TANC1: variants seen among roughly 807,000 people sequenced by gnomAD.
TANC1 encodes the protein tetratricopeptide repeat, ankyrin repeat and coiled-coil containing 1, also known as protein TANC1.
A neutral mutation model predicts 149.7 loss-of-function variants in TANC1; 77 were observed. The ratio of observed to expected loss-of-function variants is 0.51; its 90% confidence interval spans 0.43 to 0.62. The LOEUF is 0.62. Among genes scored for constraint, TANC1 ranks in the 20% least tolerant of loss-of-function variants. The pLI is 0.00. For missense variants in TANC1, 1,985 were observed against 2,321.8 expected, an observed-to-expected ratio of 0.85 and a Z score of 2.98; for synonymous variants, 854 against 925.0, an observed-to-expected ratio of 0.92 and a Z score of 1.39.
chr2:159,175,179 G>C lies in TANC1; in HGVS notation c.1730G>C (p.Arg577Thr). ...GTGCTGGAGCCACTCACAAACCTGA[G>C]AAATGGTACTTCGCAGCAGCTACCC... ...RGVLEPLTNL[R>T]NEQKIPEEEY... Residue 577 changes from arginine (R) to threonine (T), a missense_variant, in exon 12 of 27, where the codon AGA (arginine) becomes ACA (threonine). Physicochemically the swap from Arg to Thr is moderately conservative, Grantham distance 71. Around this residue, in one of 3 missense-constraint regions of TANC1, gnomAD observed 508 missense variants for 714.2 expected, o/e 0.71. Transcript: ENST00000263635. The C allele has an allele frequency of 1.2e-6, 2 of 1,613,408 alleles. No homozygotes were observed. Among genetic ancestry groups the C allele is most frequent in the Non-Finnish European group, 1.7e-6 (2 of 1,179,358 alleles).
intron 7 of TANC1, among the ~76,000 whole-genome samples, chr2:159,154,125 G>C (rs963471490): frequency 6.6e-6 from 1 of 152,174 alleles, no homozygotes; most frequent in African/African-American, 2.4e-5. Flanking sequence ...GGGGTGGACT[G>C]TTACAAAGTG....
At chr2:159,003,876 C>T in intron 2 of TANC1, 1 of 1,612,610 alleles carries the variant, frequency 6.2e-7, no homozygotes, top group Non-Finnish European at 8.5e-7. Flanking sequence ...AAACTTCAGG[C>T]TCAGGTCCAG....
At chr2:159,175,352 A>C (rs540713642) in intron 12 of TANC1, among the ~76,000 whole-genome samples, 168 bp downstream of exon 12, 15 of 152,238 alleles carry the variant, frequency 9.9e-5, no homozygotes, top group African/African-American at 3.6e-4. Flanking sequence ...AACCAGCCCC[A>C]TGAGGTCGCT....
chr2:159,108,865 T>C (rs906361938), intron 4 of TANC1, among the ~76,000 whole-genome samples: 2 of 152,220 alleles, frequency 1.3e-5, no homozygotes, highest in Non-Finnish European at 2.9e-5. Flanking sequence ...TGGGAAAAAC[T>C]TCATTATTAG....
rs1575114701 is a variant in TANC1 at position 159,179,001 on chromosome 2, A to G, written c.2348A>G (p.Gln783Arg). The change falls in exon 14 of 27, where the codon CAG (glutamine) becomes CGG (arginine). Residue 783 changes from glutamine (Q) to arginine (R), a missense_variant. Coordinates refer to ENST00000263635, the MANE Select transcript of TANC1 (RefSeq NM_033394.3). Reference sequence around the variant, plus strand: ...CAGGCTATTAATGCTGGCCACATCCAGGGGGAGCAGGGATGGGAAGACTTT... The same window carrying G: ...CAGGCTATTAATGCTGGCCACATCCGGGGGGAGCAGGGATGGGAAGACTTT... ...IFQAINAGHI[Q>R]GEQGWEDFQQ... 1 of 1,614,062 alleles carries G rather than the reference A, an allele frequency of 6.2e-7. No individual in the cohort carries two copies.
At chr2:159,057,235 A>G (rs965519809) in intron 2 of TANC1, among the ~76,000 whole-genome samples, 2 of 152,154 alleles carry the variant, frequency 1.3e-5, no homozygotes, top group Non-Finnish European at 2.9e-5. Context: ...TTAATCTCTT[A>G]CTTGCCTTCC....
intron 3 of TANC1, among the ~76,000 whole-genome samples, chr2:159,086,530 G>A (rs1273783649): frequency 6.6e-6 from 1 of 152,164 alleles, no homozygotes; most frequent in East Asian, 1.9e-4. Context: ...GGAAAAGTGA[G>A]ACCTTCCTGG....
chr2:159,201,620 C>T (rs1476659989), intron 19 of TANC1, among the ~76,000 whole-genome samples: 1 of 152,096 alleles, frequency 6.6e-6, no homozygotes, highest in Non-Finnish European at 1.5e-5. Flanking sequence ...TGTTTTGTGT[C>T]CAAAACACTC....
At chr2:159,165,758 C>T (rs2054531133) in intron 8 of TANC1, among the ~76,000 whole-genome samples, 1 of 152,178 alleles carries the variant, frequency 6.6e-6, no homozygotes, top group Non-Finnish European at 1.5e-5. Context: ...TCCAGGTAAA[C>T]AAATTGCCTT....
intron 3 of TANC1, among the ~76,000 whole-genome samples, chr2:159,087,849 T>A (rs2045098704): frequency 1.3e-5 from 2 of 149,286 alleles, no homozygotes; most frequent in African/African-American, 5.0e-5. Flanking sequence ...GAAGTCACGC[T>A]AGGTTAGGGT....
At chr2:159,015,716 C>T (rs183804044) in intron 2 of TANC1, among the ~76,000 whole-genome samples, 2 of 152,314 alleles carry the variant, frequency 1.3e-5, no homozygotes, top group Non-Finnish European at 2.9e-5. Flanking sequence ...TAAATCATCT[C>T]TTTCAAGTTC....
At chr2:159,113,161 T>G (rs370330729) in intron 4 of TANC1, among the ~76,000 whole-genome samples, 10 of 152,006 alleles carry the variant, frequency 6.6e-5, no homozygotes, top group Non-Finnish European at 1.3e-4. Flanking sequence ...TTCAGCCATA[T>G]TGCCCAGGCT....
At chr2:158,984,904 C>T (rs1333072372) in intron 1 of TANC1, among the ~76,000 whole-genome samples, 1 of 152,162 alleles carries the variant, frequency 6.6e-6, no homozygotes, top group Non-Finnish European at 1.5e-5. Flanking sequence ...AGAAGAGAGC[C>T]AGATTGCAAA....
At chr2:159,152,279 G>A (rs947961104) in intron 7 of TANC1, among the ~76,000 whole-genome samples, 3 of 151,892 alleles carry the variant, frequency 2.0e-5, no homozygotes, top group Non-Finnish European at 4.4e-5. Flanking sequence ...CACCATAGAT[G>A]GATCTTTGGT....
At chr2:159,090,376 G>A (rs1337565002) in intron 3 of TANC1, among the ~76,000 whole-genome samples, 1 of 152,162 alleles carries the variant, frequency 6.6e-6, no homozygotes, top group Non-Finnish European at 1.5e-5. Context: ...AAGCATTCCA[G>A]ATCTTTTTGA....
At chr2:159,124,214 C>T (rs2049150839) in intron 4 of TANC1, among the ~76,000 whole-genome samples, 2 of 152,162 alleles carry the variant, frequency 1.3e-5, no homozygotes, top group African/African-American at 2.4e-5. Flanking sequence ...AAAAATTAGC[C>T]GGGTGTGGTG....
chr2:158,994,251 G>A (rs2035940978), intron 1 of TANC1, among the ~76,000 whole-genome samples: 2 of 152,068 alleles, frequency 1.3e-5, no homozygotes, highest in Non-Finnish European at 2.9e-5. Flanking sequence ...TAGGAATAGA[G>A]TGATCTATTT....
At chr2:159,032,435 C>T (rs2039857305) in intron 2 of TANC1, among the ~76,000 whole-genome samples, 1 of 152,170 alleles carries the variant, frequency 6.6e-6, no homozygotes, top group Admixed American at 6.5e-5. Flanking sequence ...CAGAGACACA[C>T]TGTGAGCAAA....
chr2:159,157,689 T>A (rs1257527579), intron 7 of TANC1, among the ~76,000 whole-genome samples: 1 of 152,228 alleles, frequency 6.6e-6, no homozygotes, highest in Non-Finnish European at 1.5e-5. Flanking sequence ...TTTCATCCAC[T>A]TTTATGAGCG....
Sources: allele counts gnomAD v4.1 joint callset (sites outside exome capture counted in the v4.1 genomes callset), GRCh38; gene constraint gnomAD v4.1.1; regional missense constraint gnomAD v4.1.1; transcripts MANE v1.5; gene names NCBI Gene and HGNC (gene_info 2026-07-23, HGNC 2026-07-21).